Variants in KLHL2 observed in about 807,000 individuals in gnomAD.
KLHL2 encodes kelch like family member 2, also known as kelch-like protein 2.
Under a neutral mutation model 75.8 loss-of-function variants are expected in KLHL2, and 15 were observed. The ratio of observed to expected loss-of-function variants is 0.20; its 90% confidence interval spans 0.13 to 0.30. The LOEUF (loss-of-function observed/expected upper bound fraction) is 0.30. Ranked by LOEUF, KLHL2 falls within the 10% of genes least tolerant of loss-of-function variation. The probability of loss-of-function intolerance (pLI) is 1.00; values close to 1 mark genes in which losing one functional copy is unlikely to be tolerated. For synonymous variants in KLHL2, 214 were observed against 251.9 expected, an observed-to-expected ratio of 0.85 and a Z score of 1.42; for missense variants, 381 against 741.0, an observed-to-expected ratio of 0.51 and a Z score of 5.64.
In KLHL2 at chr4:165,317,929, A is replaced by G. The variant is rs897182635; in HGVS notation, c.1713A>G (p.Thr571=). 2 of 1,613,774 alleles carry G rather than the reference A, an allele frequency of 1.2e-6. No homozygotes were observed. The highest frequency in any genetic ancestry group is 1.3e-5 in the African/African-American group (1 of 74,942). ...ATAACCCAACAACCGATAAATGGAC[A>G]GTTGTGTCATCGTGTATGAGCACAG... is the stretch of plus-strand genomic sequence containing the variant. The part of the protein sequence containing the change: ...EYYNPTTDKW[T]VVSSCMSTGR... The change falls in exon 14 of 15, where the codon ACA becomes ACG. Residue 571 remains threonine (T), a synonymous_variant. Coordinates refer to ENST00000226725, the MANE Select transcript of KLHL2 (RefSeq NM_007246.4).
chr4:165,309,414 T>C (rs1209713721), intron 9 of KLHL2, among the ~76,000 whole-genome samples: 1 of 152,154 alleles, frequency 6.6e-6, no homozygotes, highest in East Asian at 1.9e-4. Flanking sequence ...AGTGAAAAGA[T>C]GGTTGAAACC....
chr4:165,236,660 A>G (rs1488539131), intron 3 of KLHL2, among the ~76,000 whole-genome samples: 2 of 152,224 alleles, frequency 1.3e-5, no homozygotes, highest in Admixed American at 6.5e-5. Flanking sequence ...AACTTTTACA[A>G]TACTCTTTAG....
intron 14 of KLHL2, among the ~76,000 whole-genome samples, chr4:165,320,177 G>A (rs1746862485): frequency 6.6e-6 from 1 of 152,156 alleles, no homozygotes; most frequent in African/African-American, 2.4e-5. Context: ...TTATTAGGAA[G>A]ATAAGCAAGC....
Position 165,228,677 on chromosome 4 carries a change from A to C in KLHL2, c.153-130A>C, listed in dbSNP as rs78650736. ...ACTTCATGTTTAGGGATCATGTCCC[A>C]AAGGATGGCTGTCTTTTACGTTAGT... On this transcript the variant is annotated intron_variant, in intron 2 of 14. Transcript: ENST00000226725. 8.3e-6 allele frequency: 5 copies of C among 598,822 alleles called. No individual in the cohort carries two copies. In the Admixed American group the frequency reaches 1.3e-4, roughly 16 times the overall value. The allele number at this position is 598,822 out of a possible 1,614,324, so 37.1% of individuals were successfully genotyped here.
At chr4:165,249,863 G>T (rs956356051) in intron 4 of KLHL2, among the ~76,000 whole-genome samples, 2 of 152,166 alleles carry the variant, frequency 1.3e-5, no homozygotes, top group African/African-American at 4.8e-5. Context: ...GGTGGCTCAC[G>T]CCTGTAATCC....
intron 5 of KLHL2, among the ~76,000 whole-genome samples, chr4:165,290,323 T>C (rs1232819129): frequency 1.3e-5 from 2 of 151,976 alleles, no homozygotes; most frequent in Admixed American, 1.3e-4. Context: ...TTTGTAGAGA[T>C]GGTGTTTTAC....
chr4:165,320,496 T>C (rs533596448), intron 14 of KLHL2, among the ~76,000 whole-genome samples: 7 of 152,258 alleles, frequency 4.6e-5, no homozygotes, highest in South Asian at 4.2e-4. Flanking sequence ...ACCAAAGGCA[T>C]AGAAGTGGTC....
In KLHL2 at chr4:165,207,784, G is replaced by C; in HGVS notation, c.-93G>C. 1 of 1,168,514 alleles carries C rather than the reference G, an allele frequency of 8.6e-7. No homozygotes were observed. The highest frequency in any genetic ancestry group is 1.2e-6 in the Non-Finnish European group (1 of 869,472). The allele number at this position is 1,168,514 out of a possible 1,614,324, so 72.4% of individuals were successfully genotyped here. On this transcript the variant is annotated 5_prime_UTR_variant, in exon 1 of 15. Transcript: ENST00000226725. This position sits in a 1 kb window ranked among gnomAD's most constrained non-coding sequence, Gnocchi z 4.2. ...GCCCCCTCCGGGGCGGATGGAACGC[G>C]GCTCGGCGGGCGGGCAGTGCCGGCG...
intron 3 of KLHL2, among the ~76,000 whole-genome samples, chr4:165,231,856 C>T (rs559074647): frequency 2.0e-5 from 3 of 152,238 alleles, no homozygotes; most frequent in Non-Finnish European, 2.9e-5. Flanking sequence ...GTTACTGTAC[C>T]ATTTTACATT....
At chr4:165,289,565 C>G (rs554180458) in intron 5 of KLHL2, among the ~76,000 whole-genome samples, 2 of 127,018 alleles carry the variant, frequency 1.6e-5, no homozygotes, top group East Asian at 4.9e-4. Context: ...TGAGTGACAG[C>G]TGTGTTATGG....
chr4:165,294,698 G>A (rs72995997), intron 6 of KLHL2, among the ~76,000 whole-genome samples: 10,480 of 152,062 alleles, frequency 0.069, 459 homozygotes, highest in Middle Eastern at 0.14. Flanking sequence ...TTCACTTTGT[G>A]GGAGGTTCCC....
At chr4:165,289,482 T>G (rs1202636332) in intron 5 of KLHL2, among the ~76,000 whole-genome samples, 1 of 151,612 alleles carries the variant, frequency 6.6e-6, no homozygotes, top group Non-Finnish European at 1.5e-5. Flanking sequence ...TCTTCTTCAC[T>G]TTTCCTTTAG....
intron 1 of KLHL2, among the ~76,000 whole-genome samples, chr4:165,212,562 C>G (rs1578962025): frequency 6.6e-6 from 1 of 152,170 alleles, no homozygotes; most frequent in Non-Finnish European, 1.5e-5. Flanking sequence ...CAAGCCCCTG[C>G]TTTTTATGAT....
intron 1 of KLHL2, among the ~76,000 whole-genome samples, chr4:165,218,151 C>T (rs1336569713): frequency 6.6e-6 from 1 of 152,076 alleles, no homozygotes; most frequent in Non-Finnish European, 1.5e-5. Flanking sequence ...AAATAGTTGC[C>T]CCCTTTTCAT....
rs184344121 is a variant in KLHL2, at chr4:165,270,367, C to A, written c.544+7008C>A. Among the ~76,000 whole-genome samples, 620 of 152,264 alleles carry A rather than the reference C, an allele frequency of 4.1e-3. 1 individual carries two copies. The highest frequency in any genetic ancestry group is 6.5e-3 in the Non-Finnish European group (444 of 68,022). ...TCCATCCAGTTTTGTTCCCTTGCTG[C>A]CGAGGAGCTGCGATCCTTTGAAGGA... On this transcript the variant is annotated intron_variant, in intron 5 of 14. Transcript: ENST00000226725.
At chr4:165,230,356 C>G (rs1738784937) in intron 3 of KLHL2, among the ~76,000 whole-genome samples, 1 of 152,178 alleles carries the variant, frequency 6.6e-6, no homozygotes, top group African/African-American at 2.4e-5. Context: ...GTTTCCCCAT[C>G]TGGAAAATGG....
chr4:165,276,304 GGCCTATAA>G (rs1378291532), intron 5 of KLHL2, among the ~76,000 whole-genome samples: 1 of 152,078 alleles, frequency 6.6e-6, no homozygotes, highest in Non-Finnish European at 1.5e-5. Context: ...CTTTCCACTA[GGCCTATAA>G]AATGATCAAA....
rs1418192653 is a variant in KLHL2 at position 165,313,919 on chromosome 4, T to C, written c.1469-107T>C. ...CTATAGTATCAGCTTGCTTTTATTATGAATTATAACTTCGAAAGTTTTAGT... is the reference window on the plus strand; with the variant it reads ...CTATAGTATCAGCTTGCTTTTATTACGAATTATAACTTCGAAAGTTTTAGT... On this transcript the variant is annotated intron_variant, in intron 12 of 14. Transcript: ENST00000226725. 3.5e-6 allele frequency: 4 copies of C among 1,144,114 alleles called. No homozygotes were observed. The Admixed American group carries it at 7.7e-5, about 22-fold the overall frequency. 70.9% of individuals were successfully genotyped at this position (1,144,114 alleles called of 1,614,324 possible).
chr4:165,264,740 G>GTATATATATATATA (rs1216985793), intron 5 of KLHL2, among the ~76,000 whole-genome samples: 4 of 75,752 alleles, frequency 5.3e-5, no homozygotes, highest in Non-Finnish European at 9.7e-5. Flanking sequence ...ATATATATAT[G>GTATATATATATATA]TATATATATA....
Sources: gnomAD v4.1 joint callset for allele counts (sites outside exome capture counted in the v4.1 genomes callset) on GRCh38, gnomAD v4.1.1 for gene constraint, Gnocchi (gnomAD v3.1) non-coding constraint, MANE v1.5 for transcripts, NCBI Gene and HGNC (gene_info 2026-07-23, HGNC 2026-07-21) for gene names.